The following LMX1A variants were observed in gnomAD, a reference collection of about 807,000 sequenced individuals.
LMX1A encodes LIM homeobox transcription factor 1-alpha.
A neutral mutation model predicts 49.1 loss-of-function variants in LMX1A; 15 were observed. The observed-to-expected ratio is 0.31, with a 90% CI of 0.20 to 0.47. The LOEUF (loss-of-function observed/expected upper bound fraction) is 0.47, where lower values mean the gene tolerates loss of function less well. LMX1A is among the 20% of genes least tolerant of loss of function. LMX1A has a pLI of 1.00. For synonymous variants in LMX1A, 167 were observed against 185.7 expected (o/e 0.90, Z 0.82); for missense variants, 372 against 475.8 (o/e 0.78, Z 2.03).
At chr1:165,205,769 C>T (rs374961672) in intron 8 of LMX1A, 95 bp downstream of exon 8, 6 of 1,196,380 alleles carry the variant, frequency 5.0e-6, no homozygotes, top group Admixed American at 2.0e-5. Flanking sequence ...TTTGGAACTT[C>T]GGTGAGCATC....
In LMX1A at chr1:165,309,512, A is replaced by C. The variant is rs560113111; in HGVS notation, c.263+43564T>G. 7.2e-5 allele frequency among the ~76,000 whole-genome samples: 11 copies of C among 152,306 alleles called. No individual in the cohort carries two copies. In the East Asian group the frequency reaches 1.7e-3, roughly 24 times the overall value. On this transcript the variant is annotated intron_variant, in intron 3 of 8. Coordinates refer to ENST00000342310, the MANE Select transcript of LMX1A (RefSeq NM_177398.4). ...AAGCCAACAACAGCAGCAACTGTCT[A>C]TATAGTGGCTTCTTCTTTTCCTTGA...
At chr1:165,337,475 A>T (rs1655930311) in intron 3 of LMX1A, among the ~76,000 whole-genome samples, 1 of 152,222 alleles carries the variant, frequency 6.6e-6, no homozygotes, top group African/African-American at 2.4e-5. Flanking sequence ...ATTAGAAAGG[A>T]TTCTTGAAAT....
intron 3 of LMX1A, among the ~76,000 whole-genome samples, chr1:165,284,703 T>C (rs140102561): frequency 3.6e-4 from 55 of 152,340 alleles, no homozygotes; most frequent in African/African-American, 1.3e-3. Context: ...TATAGGCTTG[T>C]CTGCTGAGCG....
At chr1:165,249,766 C>A in intron 3 of LMX1A, 126 bp from the exon 4 acceptor site, 2 of 680,268 alleles carry the variant, frequency 2.9e-6, no homozygotes, top group African/African-American at 1.8e-5. Context: ...ATGGAATGTA[C>A]TTTAAATCCA....
intron 3 of LMX1A, among the ~76,000 whole-genome samples, chr1:165,263,213 C>T (rs1653501562): frequency 6.6e-6 from 1 of 152,224 alleles, no homozygotes; most frequent in Non-Finnish European, 1.5e-5. Flanking sequence ...ATCTCCACCC[C>T]AGCTTGCTCT....
intron 3 of LMX1A, among the ~76,000 whole-genome samples, chr1:165,322,060 T>A (rs1043593401): frequency 6.6e-6 from 1 of 152,220 alleles, no homozygotes; most frequent in East Asian, 1.9e-4. Flanking sequence ...AAATGGCTAA[T>A]AAACATATGA....
At chr1:165,236,846 T>C (rs944711900) in intron 4 of LMX1A, among the ~76,000 whole-genome samples, 1 of 53,072 alleles carries the variant, frequency 1.9e-5, no homozygotes, top group Non-Finnish European at 3.3e-5. Flanking sequence ...TCCACAGGAG[T>C]TCAAAGTTTT....
chr1:165,239,080 ATG>A (rs1285448457), intron 4 of LMX1A, among the ~76,000 whole-genome samples: 1 of 152,212 alleles, frequency 6.6e-6, no homozygotes, highest in Non-Finnish European at 1.5e-5. Flanking sequence ...AAAAATCATG[ATG>A]TGATCATTTT....
intron 3 of LMX1A, among the ~76,000 whole-genome samples, chr1:165,292,126 A>G (rs1394213829): frequency 6.6e-6 from 1 of 151,312 alleles, no homozygotes; most frequent in Non-Finnish European, 1.5e-5. Flanking sequence ...TAAGGCAGGC[A>G]GAGACGCATC....
chr1:165,251,927 C>T (rs1653072097), intron 3 of LMX1A, among the ~76,000 whole-genome samples: 1 of 152,146 alleles, frequency 6.6e-6, no homozygotes, highest in Admixed American at 6.5e-5. Context: ...GGCTCTGCTG[C>T]CAGCTCTACA....
At position 165,213,771 on chromosome 1, in the gene LMX1A, C is replaced by T; in HGVS notation, c.539G>A (p.Gly180Glu). 6.2e-7 allele frequency: 1 copy of T among 1,614,192 alleles called. No individual in the cohort carries two copies. Among genetic ancestry groups the T allele is most frequent in the Non-Finnish European group, 8.5e-7 (1 of 1,180,036 alleles). The change falls in exon 5 of 9, where the codon GGG (glycine) becomes GAG (glutamate). Residue 180 changes from glycine to glutamate, a missense_variant. By Grantham distance (98) the Gly-to-Glu change is moderately conservative (BLOSUM62 -2). Transcript: ENST00000342310. The part of the protein sequence containing the change: ...DEESLCKSAH[G>E]AGKGTAEEGK... The stretch of plus-strand genomic sequence containing the variant: ...TTCCTCAGCAGTTCCTTTCCCTGCC[C>T]CATGGGCTGACTTGCAGAGACTTTC...
At chr1:165,257,794 A>T (rs1653300861) in intron 3 of LMX1A, among the ~76,000 whole-genome samples, 1 of 152,210 alleles carries the variant, frequency 6.6e-6, no homozygotes, top group South Asian at 2.1e-4. Flanking sequence ...AGTCCTGCAG[A>T]CCTTAAAAAG....
intron 3 of LMX1A, among the ~76,000 whole-genome samples, chr1:165,326,049 C>T (rs1359778465): frequency 6.6e-6 from 1 of 151,892 alleles, no homozygotes; most frequent in East Asian, 1.9e-4. Flanking sequence ...TATTGGAGCT[C>T]GTGCAGCCCC....
chr1:165,266,785 T>C (rs1016088920), intron 3 of LMX1A, among the ~76,000 whole-genome samples: 1 of 151,876 alleles, frequency 6.6e-6, no homozygotes, highest in Non-Finnish European at 1.5e-5. Context: ...GTATTTTTAA[T>C]AGAGGCAGGG....
In LMX1A at chr1:165,216,757, T is replaced by C. The variant is rs552961842; in HGVS notation, c.497-2944A>G. Among the ~76,000 whole-genome samples, 75 of 152,228 alleles carry C rather than the reference T, an allele frequency of 4.9e-4. 1 individual carries two copies. In the South Asian group the frequency reaches 0.014, roughly 29 times the overall value. On this transcript the variant is annotated intron_variant, in intron 4 of 8. Transcript: ENST00000342310. Reference sequence around the variant, plus strand: ...GTAAAGTCTAAAATAATGATAATGGTTCATTTATATTGATACAATCCAGGA... The same window carrying C: ...GTAAAGTCTAAAATAATGATAATGGCTCATTTATATTGATACAATCCAGGA...
intron 3 of LMX1A, among the ~76,000 whole-genome samples, chr1:165,275,985 C>T (rs1007636677): frequency 6.6e-5 from 10 of 151,588 alleles, no homozygotes; most frequent in Admixed American, 5.3e-4. Context: ...TTGGGAATGT[C>T]GCTGAGTTTT....
chr1:165,286,295 G>A (rs1654303078), intron 3 of LMX1A, among the ~76,000 whole-genome samples: 1 of 152,142 alleles, frequency 6.6e-6, no homozygotes, highest in Non-Finnish European at 1.5e-5. Flanking sequence ...TTTACTTCCT[G>A]GTAGACTCTG....
At chr1:165,206,146 G>C (rs1230986800) in intron 7 of LMX1A, 112 bp from the exon 8 acceptor site, 3 of 968,586 alleles carry the variant, frequency 3.1e-6, no homozygotes, top group African/African-American at 3.4e-5. Flanking sequence ...TGACATCAGT[G>C]GTCCCAGCCT....
chr1:165,287,774 A>T (rs114654540), intron 3 of LMX1A, among the ~76,000 whole-genome samples: 2,658 of 152,346 alleles, frequency 0.017, 45 homozygotes, highest in Middle Eastern at 0.027. Context: ...AAAAAAAAAT[A>T]AAATTAAATT....
Sources: gnomAD v4.1 joint callset for allele counts (sites outside exome capture counted in the v4.1 genomes callset) on GRCh38, gnomAD v4.1.1 for gene constraint, MANE v1.5 for transcripts, NCBI Gene and HGNC (gene_info 2026-07-23, HGNC 2026-07-21) for gene names.